Variants in SYNE1 observed in about 807,000 individuals in gnomAD.
SYNE1 encodes the protein spectrin repeat containing nuclear envelope protein 1, also known as nesprin-1.
In SYNE1, 616 loss-of-function variants were observed where a neutral mutation model predicts 1,111.0. That is an observed-to-expected ratio of 0.55 (90% confidence interval 0.52 to 0.59). The LOEUF (loss-of-function observed/expected upper bound fraction) is 0.59. SYNE1 is among the 20% of genes least tolerant of loss of function. The pLI is 0.00. For missense variants in SYNE1, 10,006 were observed against 10,417.0 expected (o/e 0.96, Z 1.72); for synonymous variants, 3,855 against 3,825.8 (o/e 1.01, Z -0.28).
At chr6:152,295,277 G>A (rs2094815282) in intron 93 of SYNE1, among the ~76,000 whole-genome samples, 1 of 152,106 alleles carries the variant, frequency 6.6e-6, no homozygotes, top group Non-Finnish European at 1.5e-5. Flanking sequence ...TTGTTCCTGA[G>A]GTCTCCAGAT....
At chr6:152,442,294 G>A in intron 30 of SYNE1, 49 bp from the exon 31 acceptor site, 1 of 1,605,328 alleles carries the variant, frequency 6.2e-7, no homozygotes, top group Non-Finnish European at 8.5e-7. Context: ...TCTCTAAACA[G>A]CTAAGTAGGG....
At chr6:152,265,515 CT>C (rs370631299) in intron 100 of SYNE1, among the ~76,000 whole-genome samples, 256 of 151,946 alleles carry the variant, frequency 1.7e-3, no homozygotes, top group African/African-American at 5.7e-3. Context: ...GGTTAAATTT[CT>C]TTATTGCTTT....
chr6:152,315,900 G>C (rs1009539998), intron 87 of SYNE1: 43 of 152,112 alleles, frequency 2.8e-4, no homozygotes, highest in African/African-American at 1.0e-3. Context: ...GGAAAAATGA[G>C]GCTTTGATCT....
chr6:152,294,159 C>A (rs1169874992), intron 93 of SYNE1, 32 bp from the exon 94 acceptor site: 4 of 1,609,716 alleles, frequency 2.5e-6, no homozygotes, highest in Admixed American at 3.3e-5. Context: ...TTGAATTAAA[C>A]AAAAAGACAA....
intron 16 of SYNE1, among the ~76,000 whole-genome samples, chr6:152,466,284 C>T (rs2098766926): frequency 6.6e-6 from 1 of 152,134 alleles, no homozygotes; most frequent in South Asian, 2.1e-4. Flanking sequence ...TGATTCTAAC[C>T]CAGTACAGGA....
intron 73 of SYNE1, among the ~76,000 whole-genome samples, chr6:152,344,544 A>G (rs755932232): frequency 6.6e-5 from 10 of 152,244 alleles, no homozygotes; most frequent in Non-Finnish European, 1.0e-4. Flanking sequence ...TGTCATAAAC[A>G]TAAGTCAGAG....
chr6:152,218,447 A>C, intron 120 of SYNE1, 44 bp from the exon 121 acceptor site: 1 of 1,606,174 alleles, frequency 6.2e-7, no homozygotes, highest in Admixed American at 1.7e-5. Context: ...TAAAAAAAAA[A>C]AAATTGGTAT....
chr6:152,183,284 C>A (rs150780694), intron 128 of SYNE1, among the ~76,000 whole-genome samples: 1 of 152,252 alleles, frequency 6.6e-6, no homozygotes, highest in African/African-American at 2.4e-5. Flanking sequence ...CAAACTGAAA[C>A]TATACTCTTA....
At chr6:152,218,437 T>TAA (rs3839419) in intron 120 of SYNE1, 34 bp from the exon 121 acceptor site, 1,323 of 1,450,574 alleles carry the variant, frequency 9.1e-4, no homozygotes, top group Non-Finnish European at 1.1e-3. Flanking sequence ...GTATTTCAGT[T>TAA]AAAAAAAAAA....
At chr6:152,552,894 G>A (rs1376383430) in intron 3 of SYNE1, among the ~76,000 whole-genome samples, 1 of 152,156 alleles carries the variant, frequency 6.6e-6, no homozygotes, top group Middle Eastern at 3.2e-3. Context: ...AGCTGCAGGG[G>A]TTTCCACATG....
intron 5 of SYNE1, among the ~76,000 whole-genome samples, chr6:152,523,527 C>G (rs1411766060): frequency 6.6e-6 from 1 of 151,934 alleles, no homozygotes; most frequent in Non-Finnish European, 1.5e-5. Context: ...ATTGCTTTAC[C>G]TATTTGGGGT....
intron 98 of SYNE1, among the ~76,000 whole-genome samples, chr6:152,273,288 T>C (rs1215564015): frequency 1.3e-5 from 2 of 152,254 alleles, no homozygotes; most frequent in African/African-American, 4.8e-5. Context: ...CCTTTCAGCA[T>C]AGCAGAAGCT....
At chr6:152,505,061 C>T (rs2099050524) in intron 9 of SYNE1, 140 bp downstream of exon 9, 9 of 918,448 alleles carry the variant, frequency 9.8e-6, no homozygotes, top group South Asian at 1.4e-5. Flanking sequence ...AAAATTGATG[C>T]AGGAAAATAC....
chr6:152,567,413 G>A (rs558892070), intron 3 of SYNE1, among the ~76,000 whole-genome samples: 1 of 152,134 alleles, frequency 6.6e-6, no homozygotes, highest in South Asian at 2.1e-4. Context: ...AACCTACACA[G>A]TGCTTACATG....
At chr6:152,130,844 C>T in intron 144 of SYNE1, 66 bp from the exon 145 acceptor site, 1 of 1,535,518 alleles carries the variant, frequency 6.5e-7, no homozygotes, top group Non-Finnish European at 9.0e-7. Flanking sequence ...AGACAAGCTA[C>T]TAATGAAAAT....
At position 152,122,341 on chromosome 6, in the gene SYNE1, G is replaced by A. The variant is rs139397787; in HGVS notation, c.*95C>T. The A allele has an allele frequency of 9.5e-4, 1,532 of 1,605,048 alleles. 2 individuals are homozygous for A. Among genetic ancestry groups the A allele is most frequent in the Middle Eastern group, 2.1e-3 (10 of 4,710 alleles). On this transcript the variant is annotated 3_prime_UTR_variant, in exon 146 of 146. Coordinates refer to ENST00000367255, the MANE Select transcript of SYNE1 (RefSeq NM_182961.4). Reference sequence around the variant, plus strand: ...TAAAGCTGCCACACCGAGGGCTTTCGCCAAGATCAAGGTCCTCTTGTTGGT... The same window carrying A: ...TAAAGCTGCCACACCGAGGGCTTTCACCAAGATCAAGGTCCTCTTGTTGGT...
chr6:152,186,217 G>T (rs76678631), intron 128 of SYNE1, among the ~76,000 whole-genome samples: 1 of 152,034 alleles, frequency 6.6e-6, no homozygotes, highest in Admixed American at 6.6e-5. Context: ...AATTTCATAA[G>T]TGACATCACA....
intron 62 of SYNE1, among the ~76,000 whole-genome samples, chr6:152,365,667 C>T (rs2097061477): frequency 6.6e-6 from 1 of 151,708 alleles, no homozygotes; most frequent in African/African-American, 2.4e-5. Flanking sequence ...AGGTCGATGC[C>T]CAGCCTGGTG....
intron 6 of SYNE1, 112 bp downstream of exon 6, chr6:152,520,347 T>C: frequency 1.9e-6 from 2 of 1,037,094 alleles, no homozygotes; most frequent in Non-Finnish European, 3.0e-6. Context: ...ATGTCTAGGC[T>C]GTATAGATTA....
Sources: allele counts gnomAD v4.1 joint callset (sites outside exome capture counted in the v4.1 genomes callset), GRCh38; gene constraint gnomAD v4.1.1; transcripts MANE v1.5; gene names NCBI Gene and HGNC (gene_info 2026-07-23, HGNC 2026-07-21).